GRIK2: variants seen among roughly 807,000 people sequenced by gnomAD.
The protein encoded by GRIK2 is glutamate ionotropic receptor kainate type subunit 2, also known as glutamate receptor ionotropic, kainate 2.
Under a neutral mutation model 100.3 loss-of-function variants are expected in GRIK2, and 32 were observed. That is an observed-to-expected ratio of 0.32 (90% confidence interval 0.24 to 0.43). The LOEUF (loss-of-function observed/expected upper bound fraction) is 0.43. Among genes scored for constraint, GRIK2 ranks in the 20% least tolerant of loss-of-function variants. GRIK2 has a pLI of 1.00. For synonymous variants in GRIK2, 417 were observed against 389.4 expected (o/e 1.07, Z -0.83); for missense variants, 843 against 1,114.9 (o/e 0.76, Z 3.47).
At chr6:101,987,896 C>CTTTT (rs779435752) in intron 14 of GRIK2, among the ~76,000 whole-genome samples, 8 of 151,588 alleles carry the variant, frequency 5.3e-5, no homozygotes, top group Admixed American at 1.3e-4. Context: ...TTTTCCTGAG[C>CTTTT]TTAGACTCCT....
At chr6:101,608,784 GGTGTGT>G (rs71689029) in intron 2 of GRIK2, among the ~76,000 whole-genome samples, 10,823 of 142,010 alleles carry the variant, frequency 0.076, 432 homozygotes, top group African/African-American at 0.096. Flanking sequence ...CTCATAGAGG[GGTGTGT>G]GTGTGTGTGT....
At chr6:101,821,120 CTATATT>C (rs1324540218) in intron 10 of GRIK2, among the ~76,000 whole-genome samples, 4 of 151,996 alleles carry the variant, frequency 2.6e-5, no homozygotes, top group African/African-American at 7.2e-5. Flanking sequence ...TTTCAAATGA[CTATATT>C]TAAATATTTT....
chr6:101,473,069 T>C (rs1003640836), intron 2 of GRIK2, among the ~76,000 whole-genome samples: 11 of 151,440 alleles, frequency 7.3e-5, no homozygotes, highest in African/African-American at 2.7e-4. Context: ...TAATAGAGGT[T>C]CAGGCAGAAA....
intron 2 of GRIK2, among the ~76,000 whole-genome samples, chr6:101,414,661 A>T (rs1182605380): frequency 6.6e-6 from 1 of 152,168 alleles, no homozygotes; most frequent in Non-Finnish European, 1.5e-5. Context: ...ATCTAAAAGG[A>T]TGCTGTAGTG....
At chr6:101,699,241 A>G (rs1772708245) in intron 7 of GRIK2, among the ~76,000 whole-genome samples, 2 of 152,050 alleles carry the variant, frequency 1.3e-5, no homozygotes, top group Admixed American at 6.6e-5. Flanking sequence ...CCTTTCTTCC[A>G]TTGCCTTGAG....
intron 5 of GRIK2, among the ~76,000 whole-genome samples, chr6:101,677,863 A>G (rs1770954395): frequency 6.6e-6 from 1 of 152,184 alleles, no homozygotes; most frequent in South Asian, 2.1e-4. Flanking sequence ...ATGTTTATCC[A>G]ATATTCCAAT....
chr6:101,621,714 A>G (rs1210235886), intron 2 of GRIK2, among the ~76,000 whole-genome samples: 12 of 152,058 alleles, frequency 7.9e-5, no homozygotes, highest in Admixed American at 7.9e-4. Context: ...ATACTAAGGC[A>G]ATTTTACCAG....
At chr6:101,652,653 G>A (rs1056004335) in intron 4 of GRIK2, among the ~76,000 whole-genome samples, 17 of 152,118 alleles carry the variant, frequency 1.1e-4, no homozygotes, top group Non-Finnish European at 2.2e-4. Context: ...ATAACAGTAT[G>A]TTTATATTCT....
At chr6:101,739,037 T>G (rs569322904) in intron 7 of GRIK2, among the ~76,000 whole-genome samples, 4 of 152,322 alleles carry the variant, frequency 2.6e-5, no homozygotes, top group African/African-American at 7.2e-5. Flanking sequence ...TATCATTCAC[T>G]CTAAACCTGT....
At chr6:102,038,687 A>G (rs1457446607) in intron 15 of GRIK2, among the ~76,000 whole-genome samples, 1 of 148,070 alleles carries the variant, frequency 6.8e-6, no homozygotes, top group Non-Finnish European at 1.5e-5. Flanking sequence ...AAGGTGTGAA[A>G]AATATTCCTT....
chr6:102,004,843 C>A (rs2114279069), intron 14 of GRIK2, among the ~76,000 whole-genome samples: 1 of 151,806 alleles, frequency 6.6e-6, no homozygotes, highest in Non-Finnish European at 1.5e-5. Context: ...GCCCCCCCAC[C>A]ACCTTTCTCC....
chr6:101,962,030 C>T (rs1792336103), intron 14 of GRIK2, among the ~76,000 whole-genome samples: 1 of 152,112 alleles, frequency 6.6e-6, no homozygotes, highest in Non-Finnish European at 1.5e-5. Context: ...CAACCCACAG[C>T]AGTACTTGGG....
At chr6:101,425,430 G>A (rs1172244880) in intron 2 of GRIK2, among the ~76,000 whole-genome samples, 3 of 151,906 alleles carry the variant, frequency 2.0e-5, no homozygotes, top group Admixed American at 2.0e-4. Context: ...TAATTATATT[G>A]CATAAAACAT....
At chr6:101,988,256 T>C (rs1794162137) in intron 14 of GRIK2, among the ~76,000 whole-genome samples, 2 of 151,766 alleles carry the variant, frequency 1.3e-5, no homozygotes, top group African/African-American at 4.8e-5. Context: ...TCTTATACAT[T>C]TCCTCACACC....
intron 14 of GRIK2, among the ~76,000 whole-genome samples, chr6:101,973,912 C>T (rs1320962908): frequency 6.6e-6 from 1 of 151,918 alleles, no homozygotes; most frequent in Non-Finnish European, 1.5e-5. Flanking sequence ...TACAAGTGCT[C>T]AACCTTCCCA....
chr6:101,923,450 TA>T (rs1255179289), intron 12 of GRIK2, among the ~76,000 whole-genome samples: 1 of 152,226 alleles, frequency 6.6e-6, no homozygotes, highest in African/African-American at 2.4e-5. Context: ...TGCACCTTAA[TA>T]AGTCCTCAGT....
At chr6:101,445,010 A>T (rs1229561247) in intron 2 of GRIK2, among the ~76,000 whole-genome samples, 1 of 151,990 alleles carries the variant, frequency 6.6e-6, no homozygotes, top group Non-Finnish European at 1.5e-5. Context: ...TCCTTCTTAT[A>T]TACCCAGTAT....
intron 9 of GRIK2, among the ~76,000 whole-genome samples, chr6:101,807,993 G>A (rs1376893702): frequency 6.6e-6 from 1 of 151,796 alleles, no homozygotes; most frequent in Non-Finnish European, 1.5e-5. Flanking sequence ...CAATAAAATT[G>A]TTTTTTTGGT....
At chr6:101,919,301 G>A (rs1453759230) in intron 12 of GRIK2, among the ~76,000 whole-genome samples, 1 of 151,764 alleles carries the variant, frequency 6.6e-6, no homozygotes, top group Non-Finnish European at 1.5e-5. Flanking sequence ...GGAAACAAAA[G>A]TGCAATGAAG....
Sources: gnomAD v4.1 joint callset for allele counts (sites outside exome capture counted in the v4.1 genomes callset) on GRCh38, gnomAD v4.1.1 for gene constraint, MANE v1.5 for transcripts, NCBI Gene and HGNC (gene_info 2026-07-23, HGNC 2026-07-21) for gene names.